Variants in PCDHA6 observed in about 807,000 individuals in gnomAD.
PCDHA6 encodes protocadherin alpha-6.
A neutral mutation model predicts 60.3 loss-of-function variants in PCDHA6; 55 were observed. That is an observed-to-expected ratio of 0.91 (90% confidence interval 0.73 to 1.14). The LOEUF is 1.14. Among genes scored for constraint, PCDHA6 ranks in the 50% most tolerant of loss-of-function variants. PCDHA6 has a pLI of 0.00. For synonymous variants in PCDHA6, 652 were observed against 557.9 expected, an observed-to-expected ratio of 1.17 and a Z score of -2.38; for missense variants, 1,327 against 1,256.5, an observed-to-expected ratio of 1.06 and a Z score of -0.85.
At chr5:140,835,470 G>T in intron 1 of PCDHA6, 2 of 1,613,868 alleles carry the variant, frequency 1.2e-6, no homozygotes, top group Non-Finnish European at 1.7e-6. Flanking sequence ...TCCAGAGGAC[G>T]CCCAACCAGG....
chr5:140,872,429 C>T (rs2053657736), intron 1 of PCDHA6, among the ~76,000 whole-genome samples: 1 of 152,028 alleles, frequency 6.6e-6, no homozygotes, highest in Non-Finnish European at 1.5e-5. Flanking sequence ...GAGTTCGAGG[C>T]CTGCCTGGAC....
chr5:140,884,699 C>A, intron 1 of PCDHA6: 3 of 1,500,334 alleles, frequency 2.0e-6, no homozygotes, highest in Non-Finnish European at 2.7e-6. Context: ...TTAGTAAACA[C>A]TTTAGCCTTC....
chr5:140,893,636 G>A (rs2064097174), intron 1 of PCDHA6, among the ~76,000 whole-genome samples: 1 of 152,170 alleles, frequency 6.6e-6, no homozygotes, highest in Non-Finnish European at 1.5e-5. Flanking sequence ...GCTTGGTATA[G>A]TATTTTTGGC....
chr5:140,923,964 C>A (rs1410428693), intron 1 of PCDHA6, among the ~76,000 whole-genome samples: 1 of 152,160 alleles, frequency 6.6e-6, no homozygotes, highest in East Asian at 1.9e-4. Context: ...CTAATCTATA[C>A]CCACACATAC....
At chr5:140,937,911 CAAA>C (rs200797202) in intron 1 of PCDHA6, among the ~76,000 whole-genome samples, 2 of 117,898 alleles carry the variant, frequency 1.7e-5, no homozygotes, top group Non-Finnish European at 1.9e-5. Context: ...GACTCCGTCT[CAAA>C]AAAAAAAAAA....
Position 140,829,627 on chromosome 5 carries a change from G to A in PCDHA6, c.1536G>A (p.Ala512=). ...TGTCGAGCTACATTTCGGTGCACGC[G>A]GAGAGCGGCAAGGTGTACGCGCTGC... The part of the protein sequence containing the change: ...RALSSYISVH[A]ESGKVYALQP... Residue 512 remains alanine, a synonymous_variant, in exon 1 of 4, where the codon GCG becomes GCA. Transcript: ENST00000529310. The A allele has an allele frequency of 6.2e-7, 1 of 1,612,248 alleles. No homozygotes were observed. The highest frequency in any genetic ancestry group is 8.5e-7 in the Non-Finnish European group (1 of 1,179,792).
chr5:140,832,984 G>C (rs1373514352), intron 1 of PCDHA6, among the ~76,000 whole-genome samples: 1 of 152,156 alleles, frequency 6.6e-6, no homozygotes, highest in Non-Finnish European at 1.5e-5. Context: ...CTAGAAATGA[G>C]GAATAGTCCA....
intron 1 of PCDHA6, chr5:140,876,925 CAGA>C: frequency 6.2e-7 from 1 of 1,613,838 alleles, no homozygotes; most frequent in Non-Finnish European, 8.5e-7. Context: ...CGCGGACGCG[CAGA>C]AGAACGCGCT....
intron 1 of PCDHA6, chr5:140,929,943 A>C (rs996777609): frequency 1.3e-5 from 2 of 152,224 alleles, no homozygotes; most frequent in African/African-American, 4.8e-5. Flanking sequence ...TCTCTAGCCT[A>C]TACTTTTAAT....
Position 140,968,070 on chromosome 5 carries a change from A to G in PCDHA6, c.2395-10879A>G, listed in dbSNP as rs377189542. On this transcript the variant is annotated intron_variant, in intron 1 of 3. Transcript: ENST00000529310. The stretch of plus-strand genomic sequence containing the variant: ...CTGGACCGAGAGCGGGTGGCTGTCT[A>G]CAACATCACGGTGACAGCCACAGAT... 3.5e-5 allele frequency: 57 copies of G among 1,614,034 alleles called. No homozygotes were observed. The highest frequency in any genetic ancestry group is 1.6e-4 in the Middle Eastern group (1 of 6,082).
intron 3 of PCDHA6, among the ~76,000 whole-genome samples, chr5:140,990,902 C>G (rs2097421729): frequency 6.6e-6 from 1 of 152,112 alleles, no homozygotes; most frequent in African/African-American, 2.4e-5. Flanking sequence ...GTTGCTGGGT[C>G]AAGTTTTATA....
In PCDHA6 at chr5:140,858,436, G is replaced by A. The variant is rs781811192; in HGVS notation, c.2394+27951G>A. 9 of 1,542,522 alleles carry A rather than the reference G, an allele frequency of 5.8e-6. 1 individual carries two copies. In the South Asian group the frequency reaches 1.1e-4, roughly 18 times the overall value. ...CTATTGGAGGGGACCACTCTAGGAA[G>A]GTGGGTTATTACGTTTTCATTTTCC... On this transcript the variant is annotated intron_variant, in intron 1 of 3. Coordinates refer to ENST00000529310, the MANE Select transcript of PCDHA6 (RefSeq NM_018909.4).
intron 2 of PCDHA6, among the ~76,000 whole-genome samples, chr5:140,979,275 C>T (rs141662665): frequency 6.6e-6 from 1 of 152,320 alleles, no homozygotes; most frequent in East Asian, 1.9e-4. Flanking sequence ...AAAATTTCTA[C>T]AGGGAAGTAA....
rs1554168160 is a variant in PCDHA6 at position 140,875,992 on chromosome 5, CT to C, written c.2394+45508del. 5 of 1,613,752 alleles carry C rather than the reference CT, an allele frequency of 3.1e-6. No homozygotes were observed. In the Admixed American group the frequency reaches 8.3e-5, roughly 27 times the overall value. On this transcript the variant is annotated intron_variant, in intron 1 of 3. Transcript: ENST00000529310. ...CTCTCTTTTGACCTATGCGTTAAGT[CT>C]AAATGAGAATTTTGAGCTTAAAATA...
At chr5:140,839,304 A>G (rs1554137374) in intron 1 of PCDHA6, among the ~76,000 whole-genome samples, 1 of 152,048 alleles carries the variant, frequency 6.6e-6, no homozygotes, top group Non-Finnish European at 1.5e-5. Flanking sequence ...AGTTTTAAAT[A>G]TCCTATTTAT....
intron 1 of PCDHA6, chr5:140,870,456 G>T (rs782212198): frequency 6.2e-7 from 1 of 1,614,230 alleles, no homozygotes. Context: ...ACGACAATGC[G>T]CCTGCGTTCG....
Position 140,829,549 on chromosome 5 carries a change from G to A in PCDHA6, c.1458G>A (p.Glu486=), listed in dbSNP as rs2150169844. The A allele has an allele frequency of 6.2e-7, 1 of 1,612,924 alleles. No homozygotes were observed. The highest frequency in any genetic ancestry group is 8.5e-7 in the Non-Finnish European group (1 of 1,179,840). The change falls in exon 1 of 4, where the codon GAG becomes GAA. Residue 486 remains glutamate (E), a synonymous_variant. Transcript: ENST00000529310. Reference sequence around the variant, plus strand: ...CTGCGCGAGACGCGGACGCGCAGGAGAACGCGCTGGTGTCCTACTCGCTGG... The same window carrying A: ...CTGCGCGAGACGCGGACGCGCAGGAAAACGCGCTGGTGTCCTACTCGCTGG... ...TVSARDADAQ[E]NALVSYSLVE... is the part of the protein sequence containing the mutation.
chr5:140,929,024 C>T, intron 1 of PCDHA6: 1 of 1,614,172 alleles, frequency 6.2e-7, no homozygotes, highest in Non-Finnish European at 8.5e-7. Context: ...CACCAGAGCC[C>T]AGGCTGTTGC....
chr5:140,916,161 G>C (rs1469456505), intron 1 of PCDHA6, among the ~76,000 whole-genome samples: 2 of 152,084 alleles, frequency 1.3e-5, no homozygotes, highest in African/African-American at 2.4e-5. Flanking sequence ...GGTGAATGCT[G>C]CCAGGCCTGG....
Sources: allele counts gnomAD v4.1 joint callset (sites outside exome capture counted in the v4.1 genomes callset), GRCh38; gene constraint gnomAD v4.1.1; transcripts MANE v1.5; gene names NCBI Gene and HGNC (gene_info 2026-07-23, HGNC 2026-07-21).